SAA4: variants seen among roughly 807,000 people sequenced by gnomAD.
SAA4 encodes the protein serum amyloid A4, constitutive.
A neutral mutation model predicts 11.2 loss-of-function variants in SAA4; 8 were observed. That is an observed-to-expected ratio of 0.71 (90% CI 0.42 to 1.29). The LOEUF is 1.29. Ranked by LOEUF, SAA4 falls within the 50% of genes most tolerant of loss-of-function variation. The pLI is 0.01. For synonymous variants in SAA4, 60 were observed against 56.2 expected, an observed-to-expected ratio of 1.07 and a Z score of -0.30; for missense variants, 171 against 164.2, an observed-to-expected ratio of 1.04 and a Z score of -0.23.
chr11:18,235,881 C>A lies in SAA4; in HGVS notation c.46G>T (p.Val16Phe). 6.2e-7 allele frequency: 1 copy of A among 1,613,770 alleles called. No individual in the cohort carries two copies. The highest frequency in any genetic ancestry group is 8.5e-7 in the Non-Finnish European group (1 of 1,179,874). The change falls in exon 2 of 4, where the codon GTC becomes TTC. Residue 16 changes from valine (V) to phenylalanine (F), a missense_variant. Physicochemically the swap from Val to Phe is conservative, Grantham distance 50. Coordinates refer to ENST00000278222, the MANE Select transcript of SAA4 (RefSeq NM_006512.4). ...GIVFCSLVMG[V>F]TSESWRSFFK... ...AACGAACGCCAGCTTTCACTGGTGACTCCCATGACCAAGGAGCAGAAAACA... is the reference window on the plus strand; with the variant it reads ...AACGAACGCCAGCTTTCACTGGTGAATCCCATGACCAAGGAGCAGAAAACA...
At chr11:18,231,759 C>G in intron 3 of SAA4, 95 bp from the exon 4 acceptor site, 1 of 1,450,038 alleles carries the variant, frequency 6.9e-7, no homozygotes, top group East Asian at 2.3e-5. Context: ...CTTCTCCCAC[C>G]CAAGTAATGA....
intron 3 of SAA4, 23 bp downstream of exon 3, chr11:18,232,372 G>C (rs1857146769): frequency 6.2e-7 from 1 of 1,611,952 alleles, no homozygotes. Flanking sequence ...CCTCTCACTG[G>C]AGTCCCCGGG....
chr11:18,233,423 C>T (rs1857164993), intron 2 of SAA4, among the ~76,000 whole-genome samples: 1 of 152,096 alleles, frequency 6.6e-6, no homozygotes, highest in Admixed American at 6.5e-5. Context: ...CACTATACAC[C>T]CAACAGAATG....
Position 18,231,581 on chromosome 11 carries a change from T to C in SAA4, c.314A>G (p.Asn105Ser), listed in dbSNP as rs1205208649. 7 of 1,614,076 alleles carry C rather than the reference T, an allele frequency of 4.3e-6. No homozygotes were observed. The highest frequency in any genetic ancestry group is 5.1e-6 in the Non-Finnish European group (6 of 1,180,046). The change falls in exon 4 of 4, where the codon AAC becomes AGC. Residue 105 changes from asparagine (N) to serine (S), a missense_variant. Transcript: ENST00000278222. ...CCGGCCCCATTCCTCAGCTTTCTCG[T>C]TGGACTTCGAGTCCTCCAATACAGT... ...SSTVLEDSKS[N>S]EKAEEWGRSG...
chr11:18,231,469 C>A lies in SAA4; in HGVS notation c.*33G>T. ...GGGGGGAGAAGTGTGTGGCTCACAG[C>A]CCAGTTTCCCTGAGAGCAGAGGAGC... On this transcript the variant is annotated 3_prime_UTR_variant, in exon 4 of 4. Coordinates refer to ENST00000278222, the MANE Select transcript of SAA4 (RefSeq NM_006512.4). 6.2e-7 allele frequency: 1 copy of A among 1,600,248 alleles called. No homozygotes were observed.
chr11:18,236,471 T>G (rs11024574), intron 1 of SAA4, among the ~76,000 whole-genome samples: 58,737 of 152,026 alleles, frequency 0.39, 13,987 homozygotes, highest in Non-Finnish European at 0.52. Flanking sequence ...CCCTTAATTC[T>G]CAGCCCAGAT....
Position 18,231,445 on chromosome 11 carries a change from G to A in SAA4, c.*57C>T, listed in dbSNP as rs763270404. The A allele has an allele frequency of 5.1e-6, 8 of 1,581,678 alleles. No individual in the cohort carries two copies. In the African/African-American group the frequency reaches 6.8e-5, roughly 13 times the overall value. ...CTCAGTGACCCTGTGTCCCTGTCTGGGGGGAGAAGTGTGTGGCTCACAGCC... is the reference window on the plus strand; with the variant it reads ...CTCAGTGACCCTGTGTCCCTGTCTGAGGGGAGAAGTGTGTGGCTCACAGCC... On this transcript the variant is annotated 3_prime_UTR_variant, in exon 4 of 4. Transcript: ENST00000278222.
chr11:18,234,903 C>T (rs752383927), intron 2 of SAA4, among the ~76,000 whole-genome samples: 2 of 152,142 alleles, frequency 1.3e-5, no homozygotes, highest in South Asian at 2.1e-4. Flanking sequence ...TATTCCTAGT[C>T]CCACTTCACT....
chr11:18,234,960 C>A (rs187320520), intron 2 of SAA4, among the ~76,000 whole-genome samples: 2 of 152,200 alleles, frequency 1.3e-5, no homozygotes, highest in Non-Finnish European at 2.9e-5. Context: ...TCAGAGTGTA[C>A]TTTTAAAACA....
chr11:18,231,853 C>T (rs534092750), intron 3 of SAA4, among the ~76,000 whole-genome samples, 189 bp from the exon 4 acceptor site: 5 of 134,534 alleles, frequency 3.7e-5, no homozygotes, highest in East Asian at 4.5e-4. Context: ...CTGATACTTG[C>T]GCTCTGCAAC....
At chr11:18,233,717 G>T in intron 2 of SAA4, among the ~76,000 whole-genome samples, 1 of 144,778 alleles carries the variant, frequency 6.9e-6, no homozygotes, top group Non-Finnish European at 1.5e-5. Flanking sequence ...GTCTCACTTT[G>T]TTGCTCGGGC....
intron 1 of SAA4, among the ~76,000 whole-genome samples, chr11:18,236,222 ATTT>A (rs36090595): frequency 1.5e-5 from 2 of 129,566 alleles, no homozygotes; most frequent in Admixed American, 8.0e-5. Flanking sequence ...CACTCAGCTA[ATTT>A]TTTTTTTTTT....
intron 2 of SAA4, among the ~76,000 whole-genome samples, chr11:18,235,405 C>G (rs572873945): frequency 6.6e-6 from 1 of 152,182 alleles, no homozygotes; most frequent in East Asian, 1.9e-4. Context: ...GCTCTGCATC[C>G]CAAGCATTGG....
intron 2 of SAA4, among the ~76,000 whole-genome samples, chr11:18,234,977 G>A (rs571510334): frequency 3.7e-4 from 56 of 152,204 alleles, no homozygotes; most frequent in African/African-American, 1.3e-3. Flanking sequence ...AACAAACACC[G>A]GCCGATTTAA....
chr11:18,231,504 A>G lies in SAA4; in HGVS notation c.391T>C (p.Ter131ArgextTer13). ...FRPDGLPKKY[*>R] ...CTGAGAGCAGAGGAGCAGGAAGCTCAGTATTTCTTAGGCAGGCCGTCAGGT... is the reference window on the plus strand; with the variant it reads ...CTGAGAGCAGAGGAGCAGGAAGCTCGGTATTTCTTAGGCAGGCCGTCAGGT... Residue 131 changes from the stop codon to arginine, a stop_lost, in exon 4 of 4, where the codon TGA (stop) becomes CGA (arginine). Transcript: ENST00000278222. 6.2e-7 allele frequency: 1 copy of G among 1,611,684 alleles called. No homozygotes were observed. Among genetic ancestry groups the G allele is most frequent in the Non-Finnish European group, 8.5e-7 (1 of 1,179,530 alleles).
chr11:18,236,034 C>A, intron 1 of SAA4, 104 bp from the exon 2 acceptor site: 2 of 1,133,790 alleles, frequency 1.8e-6, no homozygotes, highest in East Asian at 2.7e-5. Flanking sequence ...TTTTCCTTTT[C>A]TTTCTTTCTC....
At chr11:18,235,765 A>G (rs901687045) in intron 2 of SAA4, 71 bp downstream of exon 2, 76 of 1,469,062 alleles carry the variant, frequency 5.2e-5, no homozygotes, top group Non-Finnish European at 6.7e-5. Flanking sequence ...GAGCACTCAC[A>G]TCCAGTGAGT....
At position 18,232,317 on chromosome 11, in the gene SAA4, G is replaced by T; in HGVS notation, c.230+78C>A. 3 of 1,556,202 alleles carry T rather than the reference G, an allele frequency of 1.9e-6. No individual in the cohort carries two copies. In the South Asian group the frequency reaches 3.7e-5, roughly 19 times the overall value. ...CCAGGAGTATGTGGAGGAGGGGAAA[G>T]AGCCACAGGTTCTCCTGACTCTCAA... is the stretch of plus-strand genomic sequence containing the variant. On this transcript the variant is annotated intron_variant, in intron 3 of 3. Transcript: ENST00000278222.
chr11:18,234,099 A>G (rs1455110963), intron 2 of SAA4, among the ~76,000 whole-genome samples: 2 of 152,230 alleles, frequency 1.3e-5, no homozygotes, highest in African/African-American at 4.8e-5. Flanking sequence ...AGCAATGAAA[A>G]AGAACAAAAT....
Sources: allele counts gnomAD v4.1 joint callset (sites outside exome capture counted in the v4.1 genomes callset), GRCh38; gene constraint gnomAD v4.1.1; transcripts MANE v1.5; gene names NCBI Gene and HGNC (gene_info 2026-07-23, HGNC 2026-07-21).